Variants in EXOC4 observed in about 807,000 individuals in gnomAD.
The protein encoded by EXOC4 is SEC8-like 1.
In EXOC4, 71 loss-of-function variants were observed where a neutral mutation model predicts 107.2. The ratio of observed to expected loss-of-function variants is 0.66; its 90% CI spans 0.55 to 0.81. The LOEUF (loss-of-function observed/expected upper bound fraction) is 0.81, where lower values mean the gene tolerates loss of function less well. Among genes scored for constraint, EXOC4 ranks in the 30% least tolerant of loss-of-function variants. EXOC4 has a pLI of 0.00. For synonymous variants in EXOC4, 456 were observed against 441.2 expected (o/e 1.03, Z -0.42); for missense variants, 1,108 against 1,189.6 (o/e 0.93, Z 1.01).
chr7:134,031,135 C>T (rs1000418371), intron 17 of EXOC4, among the ~76,000 whole-genome samples: 1 of 152,080 alleles, frequency 6.6e-6, no homozygotes, highest in Non-Finnish European at 1.5e-5. Context: ...AAGGGGATAA[C>T]AGCTAAAGGA....
intron 1 of EXOC4, 128 bp from the exon 2 acceptor site, chr7:133,274,854 A>G: frequency 1.4e-6 from 1 of 723,810 alleles, no homozygotes; most frequent in South Asian, 2.8e-5. Context: ...TTTGTAACTT[A>G]TTTCATTTCC....
intron 10 of EXOC4, among the ~76,000 whole-genome samples, chr7:133,743,991 T>A (rs1038335632): frequency 1.3e-5 from 2 of 152,176 alleles, no homozygotes; most frequent in Admixed American, 1.3e-4. Flanking sequence ...TCATTTTTTA[T>A]GTTCATTTAC....
chr7:133,354,681 A>G (rs1795985769), intron 5 of EXOC4, among the ~76,000 whole-genome samples: 1 of 152,182 alleles, frequency 6.6e-6, no homozygotes, highest in Admixed American at 6.5e-5. Flanking sequence ...ATCAGAGCAT[A>G]GATTCTTGAT....
At chr7:133,915,378 A>T (rs759269482) in intron 12 of EXOC4, among the ~76,000 whole-genome samples, 4 of 152,348 alleles carry the variant, frequency 2.6e-5, no homozygotes, top group Non-Finnish European at 4.4e-5. Flanking sequence ...TAGAGGAATT[A>T]CTGGAAATTA....
chr7:133,804,391 C>T (rs1797022198), intron 10 of EXOC4, among the ~76,000 whole-genome samples: 1 of 152,124 alleles, frequency 6.6e-6, no homozygotes, highest in African/African-American at 2.4e-5. Flanking sequence ...ACTGTGCATT[C>T]AGAACACTTT....
At chr7:133,340,274 A>C (rs1261125647) in intron 5 of EXOC4, among the ~76,000 whole-genome samples, 2 of 151,852 alleles carry the variant, frequency 1.3e-5, no homozygotes, top group Non-Finnish European at 2.9e-5. Flanking sequence ...TGATCCTGTG[A>C]TTTTTGTTTT....
At chr7:133,838,804 A>C (rs1326394486) in intron 11 of EXOC4, among the ~76,000 whole-genome samples, 1 of 152,188 alleles carries the variant, frequency 6.6e-6, no homozygotes, top group African/African-American at 2.4e-5. Context: ...GTGCCATCGT[A>C]GTATAAGAGC....
At chr7:133,527,377 C>G (rs1800100785) in intron 9 of EXOC4, among the ~76,000 whole-genome samples, 1 of 152,000 alleles carries the variant, frequency 6.6e-6, no homozygotes, top group African/African-American at 2.4e-5. Context: ...GCACTCTAGC[C>G]TGGGCTACAG....
chr7:133,554,698 G>T (rs555812657), intron 9 of EXOC4, among the ~76,000 whole-genome samples: 9 of 152,212 alleles, frequency 5.9e-5, no homozygotes, highest in African/African-American at 2.2e-4. Context: ...CATCCATGGA[G>T]CCCCACCTGA....
At chr7:133,876,288 C>T (rs1798848104) in intron 11 of EXOC4, among the ~76,000 whole-genome samples, 4 of 151,004 alleles carry the variant, frequency 2.6e-5, no homozygotes. Context: ...ATATTGGGCC[C>T]TTTGAGCAGG....
intron 17 of EXOC4, among the ~76,000 whole-genome samples, chr7:134,018,630 T>A (rs961754451): frequency 5.3e-5 from 8 of 152,194 alleles, no homozygotes; most frequent in East Asian, 1.9e-4. Flanking sequence ...CCTTTTTTTT[T>A]AATTTTCTGT....
At chr7:133,684,974 G>C (rs1190125513) in intron 10 of EXOC4, among the ~76,000 whole-genome samples, 3 of 152,160 alleles carry the variant, frequency 2.0e-5, no homozygotes, top group Non-Finnish European at 4.4e-5. Context: ...AATCAGCAAA[G>C]GGAGATGGCA....
At chr7:133,718,486 A>G (rs1371713234) in intron 10 of EXOC4, among the ~76,000 whole-genome samples, 1 of 152,056 alleles carries the variant, frequency 6.6e-6, no homozygotes, top group African/African-American at 2.4e-5. Context: ...GTGTTCACCT[A>G]CCCAAGCCAG....
chr7:133,988,343 A>G (rs1794165067), intron 14 of EXOC4, among the ~76,000 whole-genome samples: 1 of 152,216 alleles, frequency 6.6e-6, no homozygotes, highest in African/African-American at 2.4e-5. Context: ...GGAGAAAGTT[A>G]GAGTTGTAAA....
intron 9 of EXOC4, among the ~76,000 whole-genome samples, chr7:133,515,663 C>G (rs947476090): frequency 6.6e-6 from 1 of 152,020 alleles, no homozygotes; most frequent in African/African-American, 2.4e-5. Flanking sequence ...GTGACAAGGT[C>G]TTGCTACATT....
At position 133,990,861 on chromosome 7, in the gene EXOC4, G is replaced by A. The variant is rs145640799; in HGVS notation, c.2207-6631G>A. The stretch of plus-strand genomic sequence containing the variant: ...ATATTTAGGCTGGTTCCCTATTTTG[G>A]CTATGGTGAATAGTGCTGCAACAAA... On this transcript the variant is annotated intron_variant, in intron 14 of 17. Transcript: ENST00000253861. 1.9e-3 allele frequency among the ~76,000 whole-genome samples: 291 copies of A among 152,146 alleles called. 2 individuals are homozygous for A. Among genetic ancestry groups the A allele is most frequent in the African/African-American group, 6.6e-3 (274 of 41,514 alleles).
chr7:134,027,828 A>G (rs1462797270), intron 17 of EXOC4, among the ~76,000 whole-genome samples: 1 of 152,172 alleles, frequency 6.6e-6, no homozygotes, highest in Non-Finnish European at 1.5e-5. Flanking sequence ...TTAATTGAGT[A>G]GGACCTTAGA....
intron 9 of EXOC4, among the ~76,000 whole-genome samples, chr7:133,573,401 A>C (rs1801065151): frequency 6.6e-6 from 1 of 152,172 alleles, no homozygotes; most frequent in Non-Finnish European, 1.5e-5. Flanking sequence ...TTTCAGCGCC[A>C]GATAGTATGC....
intron 1 of EXOC4, among the ~76,000 whole-genome samples, chr7:133,268,986 T>C (rs1337214594): frequency 6.6e-6 from 1 of 152,196 alleles, no homozygotes; most frequent in African/African-American, 2.4e-5. Context: ...TGTTCCTCCA[T>C]GAACTTGACA....
Sources: allele counts gnomAD v4.1 joint callset (sites outside exome capture counted in the v4.1 genomes callset), GRCh38; gene constraint gnomAD v4.1.1; transcripts MANE v1.5; gene names NCBI Gene and HGNC (gene_info 2026-07-23, HGNC 2026-07-21).